GNG2: variants seen among roughly 807,000 people sequenced by gnomAD.
GNG2 encodes guanine nucleotide-binding protein G(I)/G(S)/G(O) subunit gamma-2.
Under a neutral mutation model 5.5 loss-of-function variants are expected in GNG2, and 5 were observed. The ratio of observed to expected loss-of-function variants is 0.91; its 90% confidence interval spans 0.48 to 1.92. The LOEUF (loss-of-function observed/expected upper bound fraction) is 1.92, where lower values mean the gene tolerates loss of function less well. Ranked by LOEUF, GNG2 falls within the 30% of genes most tolerant of loss-of-function variation. The pLI is 0.01. For synonymous variants in GNG2, 28 were observed against 32.0 expected (o/e 0.88, Z 0.42); for missense variants, 55 against 88.4 (o/e 0.62, Z 1.52).
chr14:51,934,750 T>C (rs1336430491), intron 2 of GNG2, among the ~76,000 whole-genome samples: 8 of 152,130 alleles, frequency 5.3e-5, no homozygotes, highest in Admixed American at 5.2e-4. Flanking sequence ...CTCTGCTACT[T>C]CCATGCCCCT....
intron 2 of GNG2, among the ~76,000 whole-genome samples, chr14:51,836,287 G>T (rs999447106): frequency 6.6e-6 from 1 of 151,868 alleles, no homozygotes; most frequent in Non-Finnish European, 1.5e-5. Flanking sequence ...AATTAGTGGG[G>T]GAATGAAAAC....
intron 3 of GNG2, among the ~76,000 whole-genome samples, chr14:51,954,631 G>T (rs187228346): frequency 6.6e-6 from 1 of 152,282 alleles, no homozygotes; most frequent in Non-Finnish European, 1.5e-5. Flanking sequence ...GGCTAGATAG[G>T]CAGTGGAAGT....
intron 3 of GNG2, among the ~76,000 whole-genome samples, chr14:51,954,757 A>G (rs1003489405): frequency 3.3e-5 from 5 of 152,192 alleles, no homozygotes; most frequent in Admixed American, 6.5e-5. Flanking sequence ...CCAGGTCCAT[A>G]TAGCAGGCAC....
chr14:51,943,507 T>C (rs919594655), intron 2 of GNG2, among the ~76,000 whole-genome samples: 1 of 152,222 alleles, frequency 6.6e-6, no homozygotes, highest in African/African-American at 2.4e-5. Context: ...GTCAACCCTT[T>C]TTATTGACCC....
rs926556094 is a variant in GNG2, at chr14:51,893,546, T to G, written c.-30+15889T>G. 4.6e-5 allele frequency among the ~76,000 whole-genome samples: 7 copies of G among 152,278 alleles called. 1 individual carries two copies. In the South Asian group the frequency reaches 1.4e-3, roughly 32 times the overall value. ...CTTTCCCAGCCCATCATTTGTCTGT[T>G]TTGCTTATAGTATCCTTTGTCATAC... On this transcript the variant is annotated intron_variant, in intron 2 of 3. Coordinates refer to ENST00000556766, the MANE Select transcript of GNG2 (RefSeq NM_053064.5).
chr14:51,922,539 A>T (rs1253671), intron 2 of GNG2, among the ~76,000 whole-genome samples: 2 of 151,786 alleles, frequency 1.3e-5, no homozygotes, highest in Non-Finnish European at 2.9e-5. Flanking sequence ...CCCCTACCAG[A>T]GGCTATCCAA....
At chr14:51,832,766 T>G (rs921562671) in intron 2 of GNG2, among the ~76,000 whole-genome samples, 1 of 152,252 alleles carries the variant, frequency 6.6e-6, no homozygotes, top group Non-Finnish European at 1.5e-5. Context: ...CTCACCCTCA[T>G]GACCTCATGT....
intron 2 of GNG2, among the ~76,000 whole-genome samples, chr14:51,897,751 G>T (rs372868102): frequency 4.7e-4 from 71 of 152,310 alleles, no homozygotes; most frequent in African/African-American, 1.1e-3. Context: ...TTACGTGATG[G>T]CCAAGTAGAC....
intron 1 of GNG2, among the ~76,000 whole-genome samples, chr14:51,861,166 G>A (rs1013485229): frequency 6.6e-6 from 1 of 152,078 alleles, no homozygotes; most frequent in Non-Finnish European, 1.5e-5. Context: ...AATATTAATT[G>A]CATTCTCTTT....
At chr14:51,942,589 C>CTTTCTTTCTTTCTTTCTT (rs761049973) in intron 2 of GNG2, among the ~76,000 whole-genome samples, 3 of 81,146 alleles carry the variant, frequency 3.7e-5, no homozygotes, top group African/African-American at 1.2e-4. Flanking sequence ...TTCTTTCTTT[C>CTTTCTTTCTTTCTTTCTT]TTTTTTTTTT....
At chr14:51,871,178 G>C (rs1398775445) in intron 1 of GNG2, among the ~76,000 whole-genome samples, 5 of 152,110 alleles carry the variant, frequency 3.3e-5, no homozygotes, top group Non-Finnish European at 5.9e-5. Flanking sequence ...CCTCATGAAT[G>C]ACGGTTGTGT....
At chr14:51,906,468 T>C (rs930249665) in intron 2 of GNG2, among the ~76,000 whole-genome samples, 1 of 152,234 alleles carries the variant, frequency 6.6e-6, no homozygotes, top group African/African-American at 2.4e-5. Flanking sequence ...AATGCCATTA[T>C]ATCTTAGTGA....
chr14:51,917,796 C>A (rs1316846766), intron 2 of GNG2, among the ~76,000 whole-genome samples: 1 of 151,998 alleles, frequency 6.6e-6, no homozygotes, highest in Admixed American at 6.6e-5. Flanking sequence ...CTTGGAAGGC[C>A]AAGGTGGGCG....
chr14:51,959,332 C>A (rs1487972795), intron 3 of GNG2, among the ~76,000 whole-genome samples: 1 of 152,158 alleles, frequency 6.6e-6, no homozygotes, highest in East Asian at 1.9e-4. Flanking sequence ...CATTCTTGAT[C>A]TTCACCCCCA....
Position 51,914,089 on chromosome 14 carries a change from C to T in GNG2, c.-30+36432C>T, listed in dbSNP as rs911770263. On this transcript the variant is annotated intron_variant, in intron 2 of 3. Coordinates refer to ENST00000556766, the MANE Select transcript of GNG2 (RefSeq NM_053064.5). ...TCAAGGTGTTTTGTTTGCTTGCTTGCCTTTTTATCTACTTTTGCAGAAGAT... is the reference window on the plus strand; with the variant it reads ...TCAAGGTGTTTTGTTTGCTTGCTTGTCTTTTTATCTACTTTTGCAGAAGAT... 4.9e-6 allele frequency: 3 copies of T among 610,484 alleles called. No homozygotes were observed. The Admixed American group carries it at 8.0e-5, about 16-fold the overall frequency. 37.8% of individuals were successfully genotyped at this position (610,484 alleles called of 1,614,324 possible).
intron 2 of GNG2, among the ~76,000 whole-genome samples, chr14:51,922,916 G>GTA (rs1375320339): frequency 6.6e-6 from 1 of 152,176 alleles, no homozygotes; most frequent in Non-Finnish European, 1.5e-5. Flanking sequence ...AAAGCCTTGT[G>GTA]TATAATGCCA....
At chr14:51,830,798 C>T (rs543804933) in intron 2 of GNG2, among the ~76,000 whole-genome samples, 19 of 152,314 alleles carry the variant, frequency 1.2e-4, no homozygotes, top group African/African-American at 1.7e-4. Flanking sequence ...AGTCAACTCT[C>T]GTTACTGCAG....
chr14:51,855,089 A>G (rs891078966), intron 2 of GNG2, among the ~76,000 whole-genome samples: 1 of 152,252 alleles, frequency 6.6e-6, no homozygotes, highest in African/African-American at 2.4e-5. Flanking sequence ...CCTCCCCAGG[A>G]GTGTATGTAT....
chr14:51,933,775 G>C lies in GNG2; in HGVS notation c.-29-16875G>C, dbSNP rs370513050. Among the ~76,000 whole-genome samples, 97 of 152,332 alleles carry C rather than the reference G, an allele frequency of 6.4e-4. 2 individuals are homozygous for C. The South Asian group carries it at 0.019, about 30-fold the overall frequency. On this transcript the variant is annotated intron_variant, in intron 2 of 3. Transcript: ENST00000556766. ...GCAGATGCAGGTAAGTTGGTCATGG[G>C]AGAATATGGGCGTTCTCTTCTTGTT...
Sources: gnomAD v4.1 joint callset for allele counts (sites outside exome capture counted in the v4.1 genomes callset) on GRCh38, gnomAD v4.1.1 for gene constraint, MANE v1.5 for transcripts, NCBI Gene and HGNC (gene_info 2026-07-23, HGNC 2026-07-21) for gene names.